The following SOX5 variants were observed in gnomAD, a reference collection of about 807,000 sequenced individuals.
SOX5 encodes transcription factor SOX-5.
SOX5 carries 9 observed loss-of-function variants against 92.0 expected under a neutral mutation model. The observed-to-expected ratio is 0.10, with a 90% CI of 0.06 to 0.17. SOX5 has a LOEUF of 0.17. SOX5 is among the 10% of genes least tolerant of loss of function. The probability of loss-of-function intolerance (pLI) is 1.00; values close to 1 mark genes in which losing one functional copy is unlikely to be tolerated. For synonymous variants in SOX5, 344 were observed against 336.3 expected (o/e 1.02, Z -0.25); for missense variants, 642 against 944.5 (o/e 0.68, Z 4.20).
chr12:24,485,776 C>T (rs962432589), intron 1 of SOX5, among the ~76,000 whole-genome samples: 3 of 152,108 alleles, frequency 2.0e-5, no homozygotes, highest in Non-Finnish European at 4.4e-5. Context: ...GCTTGTCTTC[C>T]TTTTTCCATC....
At chr12:23,682,861 T>C (rs905275187) in intron 6 of SOX5, among the ~76,000 whole-genome samples, 1 of 151,738 alleles carries the variant, frequency 6.6e-6, no homozygotes, top group Non-Finnish European at 1.5e-5. Context: ...TCTTGTAAAA[T>C]AAAGAAAAAG....
chr12:24,021,439 C>T (rs372159938), intron 4 of SOX5, among the ~76,000 whole-genome samples: 3 of 152,118 alleles, frequency 2.0e-5, no homozygotes, highest in East Asian at 3.9e-4. Context: ...GAAGATGTGA[C>T]GACTTACATA....
intron 4 of SOX5, among the ~76,000 whole-genome samples, chr12:24,048,922 T>C (rs1315653854): frequency 6.6e-6 from 1 of 152,158 alleles, no homozygotes; most frequent in Non-Finnish European, 1.5e-5. Flanking sequence ...GTGATGAAAA[T>C]GTTTTAGCTT....
intron 4 of SOX5, among the ~76,000 whole-genome samples, chr12:24,123,705 CAGG>C (rs1255735923): frequency 6.6e-6 from 1 of 152,158 alleles, no homozygotes; most frequent in Non-Finnish European, 1.5e-5. Flanking sequence ...CAGATTCAAC[CAGG>C]AGTCGACTAT....
rs950095772 is a variant in SOX5 at position 23,595,445 on chromosome 12, A to G, written c.1164+8942T>C. 3.3e-5 allele frequency among the ~76,000 whole-genome samples: 5 copies of G among 151,756 alleles called. 1 individual carries two copies. The highest frequency in any genetic ancestry group is 3.3e-4 in the Admixed American group (5 of 15,236). On this transcript the variant is annotated intron_variant, in intron 9 of 14. Transcript: ENST00000451604. Reference sequence around the variant, plus strand: ...AGACCATCCTGGCTAACACGGTGAAACCCCGTCTCTACTAAAAATACAAAA... The same window carrying G: ...AGACCATCCTGGCTAACACGGTGAAGCCCCGTCTCTACTAAAAATACAAAA...
upstream of SOX5, among the ~76,000 whole-genome samples, chr12:23,950,619 G>T (rs1192269712): frequency 1.3e-5 from 2 of 152,172 alleles, no homozygotes; most frequent in Non-Finnish European, 2.9e-5. Flanking sequence ...GTTTGGGATC[G>T]CTGGGGAGGT....
Position 24,298,496 on chromosome 12 carries a change from A to G in SOX5, c.-173-21184T>C, listed in dbSNP as rs75647079. Among the ~76,000 whole-genome samples the G allele has an allele frequency of 3.5e-3, 529 of 152,298 alleles. 15 individuals are homozygous for G. In the South Asian group the frequency reaches 0.06, roughly 17 times the overall value. The stretch of plus-strand genomic sequence containing the variant: ...TCCTAATATTTTTAAAAGTTGTTTC[A>G]CGATATTTTAATCAATGGAGATGAG... On this transcript the variant is annotated intron_variant, in intron 2 of 4. Coordinates refer to the SOX5 transcript ENST00000446891.
intron 1 of SOX5, among the ~76,000 whole-genome samples, chr12:24,383,905 G>A (rs1229547921): frequency 2.0e-5 from 3 of 152,160 alleles, no homozygotes; most frequent in Admixed American, 1.3e-4. Context: ...AAGTGTTGCG[G>A]AAGGGAACCT....
intron 1 of SOX5, among the ~76,000 whole-genome samples, chr12:23,948,327 G>C (rs185125074): frequency 7.9e-5 from 12 of 151,590 alleles, no homozygotes; most frequent in Non-Finnish European, 1.3e-4. Context: ...TCTAATATGT[G>C]ACCACATTCA....
intron 8 of SOX5, among the ~76,000 whole-genome samples, chr12:23,635,265 A>G (rs2079073837): frequency 6.6e-6 from 1 of 152,156 alleles, no homozygotes; most frequent in South Asian, 2.1e-4. Context: ...AGAAAACACC[A>G]CTTGTAAAGA....
chr12:24,245,271 G>A (rs1938450064), intron 3 of SOX5, among the ~76,000 whole-genome samples: 1 of 150,450 alleles, frequency 6.6e-6, no homozygotes, highest in Non-Finnish European at 1.5e-5. Flanking sequence ...GTGTGTGTGT[G>A]TGTGCCTTCT....
chr12:23,909,899 A>G (rs1049378766), intron 1 of SOX5, among the ~76,000 whole-genome samples: 2 of 151,908 alleles, frequency 1.3e-5, no homozygotes, highest in African/African-American at 4.8e-5. Flanking sequence ...TTTGTGTTCC[A>G]AAGGGGACCA....
intron 8 of SOX5, among the ~76,000 whole-genome samples, chr12:23,605,034 G>GA (rs34278311): frequency 0.7 from 105,865 of 151,830 alleles, 37,058 homozygotes; most frequent in East Asian, 0.79. Flanking sequence ...AAGGCAACGG[G>GA]AAAAAAGTAC....
At chr12:23,839,268 G>A (rs575831457) in intron 3 of SOX5, among the ~76,000 whole-genome samples, 153 of 152,126 alleles carry the variant, frequency 1.0e-3, no homozygotes, top group Non-Finnish European at 1.1e-3. Flanking sequence ...TCCAAATTAA[G>A]AGTCTATGTA....
intron 3 of SOX5, among the ~76,000 whole-genome samples, chr12:23,796,484 T>A (rs1385678383): frequency 6.6e-6 from 1 of 152,002 alleles, no homozygotes; most frequent in Non-Finnish European, 1.5e-5. Flanking sequence ...AAAAATCATA[T>A]CAAGGAGTTT....
chr12:24,222,345 T>C (rs960118330), intron 3 of SOX5, among the ~76,000 whole-genome samples: 1 of 152,184 alleles, frequency 6.6e-6, no homozygotes, highest in African/African-American at 2.4e-5. Context: ...ATGGTTTATT[T>C]TGTCTTGGGC....
chr12:24,471,499 T>C (rs1944819312), intron 1 of SOX5, among the ~76,000 whole-genome samples: 1 of 152,194 alleles, frequency 6.6e-6, no homozygotes, highest in Non-Finnish European at 1.5e-5. Context: ...ATACTGTAGA[T>C]GATAAAGATG....
chr12:24,074,091 T>C (rs941096936), intron 4 of SOX5, among the ~76,000 whole-genome samples: 1 of 152,228 alleles, frequency 6.6e-6, no homozygotes, highest in Non-Finnish European at 1.5e-5. Context: ...ACAAGTTCAG[T>C]AGAACCACAC....
At chr12:24,278,499 A>T (rs1044670217) in intron 2 of SOX5, among the ~76,000 whole-genome samples, 1 of 152,138 alleles carries the variant, frequency 6.6e-6, no homozygotes, top group African/African-American at 2.4e-5. Flanking sequence ...TATTACTTGA[A>T]CCCAGGAGTT....
Sources: gnomAD v4.1 joint callset for allele counts (sites outside exome capture counted in the v4.1 genomes callset) on GRCh38, gnomAD v4.1.1 for gene constraint, MANE v1.5 for transcripts, NCBI Gene and HGNC (gene_info 2026-07-23, HGNC 2026-07-21) for gene names.